The following STIM1 variants were observed in gnomAD, a reference collection of about 807,000 sequenced individuals.
STIM1 encodes the protein stromal interaction molecule 1.
STIM1 carries 25 observed loss-of-function variants against 74.7 expected under a neutral mutation model. The ratio of observed to expected loss-of-function variants is 0.33; its 90% CI spans 0.24 to 0.47. STIM1 has a LOEUF of 0.47. Among genes scored for constraint, STIM1 ranks in the 20% least tolerant of loss-of-function variants. STIM1 has a pLI of 1.00. For missense variants in STIM1, 728 were observed against 920.8 expected (o/e 0.79, Z 2.71); for synonymous variants, 328 against 348.8 (o/e 0.94, Z 0.66).
At chr11:4,048,841 C>T (rs2094214734) in intron 3 of STIM1, among the ~76,000 whole-genome samples, 1 of 152,190 alleles carries the variant, frequency 6.6e-6, no homozygotes, top group Non-Finnish European at 1.5e-5. Context: ...TCAAGCAATT[C>T]TCCTACCTTA....
Position 4,055,538 on chromosome 11 carries a change from C to A in STIM1, c.398C>A (p.Thr133Asn). ...AWKSSEVYNW[T>N]VDEVVQWLIT... ...TCTCTTTTCACAGTATACAATTGGA[C>A]CGTGGATGAGGTGGTACAGTGGCTG... The change falls in exon 4 of 13, where the codon ACC becomes AAC. Residue 133 changes from threonine to asparagine, a missense_variant. This residue lies in a region of STIM1 where 132 missense variants were observed against 158.2 expected (regional missense o/e 0.83). Coordinates refer to ENST00000526596, the MANE Select transcript of STIM1 (RefSeq NM_001382567.1). 6.3e-7 allele frequency: 1 copy of A among 1,597,656 alleles called. No homozygotes were observed. Among genetic ancestry groups the A allele is most frequent in the Non-Finnish European group, 8.5e-7 (1 of 1,172,756 alleles).
chr11:3,906,327 C>A (rs111413833), intron 1 of STIM1, among the ~76,000 whole-genome samples: 1 of 152,134 alleles, frequency 6.6e-6, no homozygotes, highest in South Asian at 2.1e-4. Context: ...TTACCTCAGG[C>A]GAGTCATTCT....
chr11:4,012,476 C>G (rs946804725), intron 2 of STIM1, among the ~76,000 whole-genome samples: 1 of 151,972 alleles, frequency 6.6e-6, no homozygotes, highest in African/African-American at 2.4e-5. Context: ...ATTTTATTTG[C>G]TTTGTAGTAA....
chr11:4,086,654 C>T (rs1288041255), intron 12 of STIM1, 111 bp downstream of exon 12: 3 of 1,553,730 alleles, frequency 1.9e-6, no homozygotes, highest in Non-Finnish European at 2.6e-6. Context: ...GGGACCAGCT[C>T]TCCATCTGCC....
intron 2 of STIM1, among the ~76,000 whole-genome samples, chr11:4,005,999 C>A (rs888100986): frequency 1.3e-5 from 2 of 152,140 alleles, no homozygotes; most frequent in East Asian, 3.9e-4. Flanking sequence ...CTTTTCAGAT[C>A]TGGAACATGT....
At chr11:3,958,515 C>T (rs66596383) in intron 1 of STIM1, among the ~76,000 whole-genome samples, 43,218 of 151,968 alleles carry the variant, frequency 0.28, 6,534 homozygotes, top group South Asian at 0.46. Context: ...TTCTAACAGA[C>T]GCAGGAATAT....
At chr11:3,988,425 G>A (rs1275294521) in intron 2 of STIM1, among the ~76,000 whole-genome samples, 3 of 151,866 alleles carry the variant, frequency 2.0e-5, no homozygotes, top group Admixed American at 6.6e-5. Flanking sequence ...CTTAACATAC[G>A]TACCGAAAAT....
chr11:3,896,025 C>T (rs2092157578), intron 1 of STIM1, among the ~76,000 whole-genome samples: 1 of 151,616 alleles, frequency 6.6e-6, no homozygotes, highest in South Asian at 2.1e-4. Context: ...CTGCCTCAGC[C>T]TCCCGAGTAC....
chr11:4,071,600 A>G (rs971951309), intron 6 of STIM1, among the ~76,000 whole-genome samples: 1 of 152,204 alleles, frequency 6.6e-6, no homozygotes, highest in Non-Finnish European at 1.5e-5. Flanking sequence ...TCAGCCTCCC[A>G]AAGTGCTGGG....
chr11:3,924,704 G>A (rs1282810458), intron 1 of STIM1, among the ~76,000 whole-genome samples: 1 of 152,154 alleles, frequency 6.6e-6, no homozygotes, highest in African/African-American at 2.4e-5. Flanking sequence ...TTCATGTGCA[G>A]TGCTATTTCT....
intron 1 of STIM1, among the ~76,000 whole-genome samples, chr11:3,884,233 G>A (rs556367417): frequency 2.6e-5 from 4 of 152,266 alleles, no homozygotes; most frequent in Admixed American, 6.5e-5. Context: ...CAAGGTTGGA[G>A]TTTCTTTGTC....
At chr11:4,039,152 A>G (rs147146624) in intron 3 of STIM1, among the ~76,000 whole-genome samples, 30 of 152,228 alleles carry the variant, frequency 2.0e-4, no homozygotes, top group African/African-American at 6.7e-4. Flanking sequence ...AATTATAGAA[A>G]ATGTTGGCTC....
intron 1 of STIM1, among the ~76,000 whole-genome samples, chr11:3,962,105 CA>C (rs1387907824): frequency 6.6e-6 from 1 of 152,076 alleles, no homozygotes; most frequent in Non-Finnish European, 1.5e-5. Flanking sequence ...TTAGGGGGTA[CA>C]AATGCAGTTT....
intron 1 of STIM1, among the ~76,000 whole-genome samples, chr11:3,903,054 T>C (rs778202639): frequency 5.9e-5 from 9 of 152,322 alleles, no homozygotes; most frequent in Non-Finnish European, 1.0e-4. Flanking sequence ...AATGCTAAGC[T>C]TATTTAATTT....
At position 4,071,286 on chromosome 11, in the gene STIM1, G is replaced by T. The variant is rs1162386290; in HGVS notation, c.791+1083G>T. ...CTGGAAGCCTAGGGACTCTAGTTGG[G>T]AAGTCTTTGCAGGAATTCATGTAAA... On this transcript the variant is annotated intron_variant, in intron 6 of 12. Transcript: ENST00000526596. 3.9e-5 allele frequency among the ~76,000 whole-genome samples: 6 copies of T among 152,242 alleles called. No individual in the cohort carries two copies. The East Asian group carries it at 9.6e-4, about 24-fold the overall frequency.
chr11:4,012,728 C>A (rs372210442), intron 2 of STIM1, among the ~76,000 whole-genome samples: 1 of 152,148 alleles, frequency 6.6e-6, no homozygotes, highest in Non-Finnish European at 1.5e-5. Flanking sequence ...CTTTCTCTTG[C>A]CTGATTGCCC....
chr11:3,871,130 G>GT (rs2091078008), intron 1 of STIM1, among the ~76,000 whole-genome samples: 1 of 151,992 alleles, frequency 6.6e-6, no homozygotes, highest in Non-Finnish European at 1.5e-5. Flanking sequence ...GCCTCCCAAA[G>GT]TGTTGGGATT....
chr11:4,023,724 A>T, intron 2 of STIM1, 149 bp from the exon 3 acceptor site: 1 of 674,992 alleles, frequency 1.5e-6, no homozygotes. Flanking sequence ...AGACATGTGC[A>T]TAAGGAAGGA....
intron 1 of STIM1, among the ~76,000 whole-genome samples, chr11:3,920,484 A>C (rs2092704298): frequency 6.6e-6 from 1 of 152,120 alleles, no homozygotes; most frequent in African/African-American, 2.4e-5. Flanking sequence ...GTATGATTTT[A>C]ATATATATAT....
Sources: allele counts gnomAD v4.1 joint callset (sites outside exome capture counted in the v4.1 genomes callset), GRCh38; gene constraint gnomAD v4.1.1; regional missense constraint gnomAD v4.1.1; transcripts MANE v1.5; gene names NCBI Gene and HGNC (gene_info 2026-07-23, HGNC 2026-07-21).